Variants in ARIH2 observed in about 807,000 individuals in gnomAD.
ARIH2 encodes ariadne RBR E3 ubiquitin protein ligase 2.
ARIH2 carries 12 observed loss-of-function variants against 79.8 expected under a neutral mutation model. That is an observed-to-expected ratio of 0.15 (90% CI 0.10 to 0.24). The LOEUF (loss-of-function observed/expected upper bound fraction) is 0.24. Among genes scored for constraint, ARIH2 ranks in the 10% least tolerant of loss-of-function variants. The pLI is 1.00. For synonymous variants in ARIH2, 224 were observed against 213.9 expected (o/e 1.05, Z -0.41); for missense variants, 301 against 618.3 (o/e 0.49, Z 5.44).
At chr3:48,970,825 A>G in intron 8 of ARIH2, 121 bp downstream of exon 8, 3 of 685,136 alleles carry the variant, frequency 4.4e-6, no homozygotes. Flanking sequence ...CCAACAGAAC[A>G]GCTGTGCTCC....
At position 48,959,649 on chromosome 3, in the gene ARIH2, CAA is replaced by C. The variant is rs71077758; in HGVS notation, c.256-1938_256-1937del. Among the ~76,000 whole-genome samples, 10 of 50,104 alleles carry C rather than the reference CAA, an allele frequency of 2.0e-4. No homozygotes were observed. The East Asian group carries it at 2.2e-3, about 11-fold the overall frequency. The allele number at this position is 50,104 out of a possible 152,430, so 32.9% of individuals were successfully genotyped here. A position where few individuals can be genotyped will look rare whatever the true frequency, so the allele number is the denominator to read the frequency against. ...AAACCCCGTCTCTACTAAAAAATAC[CAA>C]AAAAAAAAAAAAAAAAAAAAAAAAG... On this transcript the variant is annotated intron_variant, in intron 3 of 15. Coordinates refer to ENST00000356401, the MANE Select transcript of ARIH2 (RefSeq NM_006321.4).
At chr3:48,934,241 A>T in intron 3 of ARIH2, 1 of 497,360 alleles carries the variant, frequency 2.0e-6, no homozygotes. Context: ...ATAACAACAA[A>T]ATACATTATT....
intron 5 of ARIH2, among the ~76,000 whole-genome samples, chr3:48,966,542 T>A (rs1394116532): frequency 2.0e-5 from 3 of 152,172 alleles, no homozygotes. Flanking sequence ...TAATTACATG[T>A]GACATCTGGT....
intron 11 of ARIH2, among the ~76,000 whole-genome samples, chr3:48,978,483 A>ATAT (rs1288556209): frequency 0.029 from 1,148 of 40,262 alleles, 49 homozygotes; most frequent in African/African-American, 0.064. Context: ...ATATATATAT[A>ATAT]TTTTTTTTTT....
At chr3:48,935,744 G>A (rs1417320588) in intron 3 of ARIH2, among the ~76,000 whole-genome samples, 1 of 152,160 alleles carries the variant, frequency 6.6e-6, no homozygotes, top group Non-Finnish European at 1.5e-5. Flanking sequence ...GATTTTGCTT[G>A]GTCATGGTAG....
chr3:48,947,744 CT>C (rs2089388928), intron 3 of ARIH2, among the ~76,000 whole-genome samples: 2 of 152,100 alleles, frequency 1.3e-5, no homozygotes, highest in African/African-American at 4.8e-5. Flanking sequence ...ACTTTCCGCC[CT>C]TTTATTATGA....
intron 14 of ARIH2, among the ~76,000 whole-genome samples, chr3:48,982,195 T>C (rs2092774494): frequency 6.6e-6 from 1 of 152,240 alleles, no homozygotes; most frequent in African/African-American, 2.4e-5. Context: ...GCATTTACAT[T>C]GTCCAGAGAG....
At chr3:48,976,486 C>CA (rs2107659794) in intron 11 of ARIH2, among the ~76,000 whole-genome samples, 1 of 152,210 alleles carries the variant, frequency 6.6e-6, no homozygotes, top group East Asian at 1.9e-4. Context: ...GCTGGGATTA[C>CA]AGGTGTGAGC....
At chr3:48,979,296 G>T (rs959999948) in intron 11 of ARIH2, among the ~76,000 whole-genome samples, 186 bp from the exon 12 acceptor site, 2 of 152,214 alleles carry the variant, frequency 1.3e-5, no homozygotes, top group Non-Finnish European at 2.9e-5. Flanking sequence ...AGCAAGTACA[G>T]GCTACAAGGA....
intron 3 of ARIH2, among the ~76,000 whole-genome samples, chr3:48,929,355 T>G (rs886534466): frequency 5.9e-5 from 9 of 152,054 alleles, no homozygotes; most frequent in Non-Finnish European, 1.2e-4. Context: ...TTTTTTTTTT[T>G]GTTTTTTAAT....
intron 1 of ARIH2, among the ~76,000 whole-genome samples, chr3:48,920,173 A>G (rs981237203): frequency 6.6e-6 from 1 of 151,554 alleles, no homozygotes; most frequent in Non-Finnish European, 1.5e-5. Flanking sequence ...TGGATACGTG[A>G]TCTTAATAGG....
intron 4 of ARIH2, 89 bp downstream of exon 4, chr3:48,961,768 A>G (rs1428884594): frequency 1.2e-6 from 1 of 845,454 alleles, no homozygotes; most frequent in South Asian, 1.4e-5. Context: ...ATATTCGACT[A>G]TATTCCAATG....
intron 1 of ARIH2, chr3:48,919,396 G>C (rs545606954): frequency 2.6e-4 from 105 of 398,012 alleles, no homozygotes; most frequent in African/African-American, 1.9e-3. Context: ...GGTATCCCCA[G>C]CTCGCGGGCT....
intron 14 of ARIH2, chr3:48,982,628 T>C (rs1291515137): frequency 9.7e-6 from 4 of 412,018 alleles, no homozygotes; most frequent in Non-Finnish European, 1.7e-5. Flanking sequence ...TTCTCTTTAG[T>C]GGCTTAAATT....
chr3:48,958,045 G>T (rs1021263287), intron 3 of ARIH2, among the ~76,000 whole-genome samples: 3 of 152,246 alleles, frequency 2.0e-5, no homozygotes, highest in Admixed American at 6.5e-5. Flanking sequence ...TATTCGAGGG[G>T]TAAACTGACG....
intron 3 of ARIH2, among the ~76,000 whole-genome samples, chr3:48,938,913 C>CAAAAA (rs1158929356): frequency 1.5e-4 from 8 of 54,406 alleles, no homozygotes; most frequent in African/African-American, 5.1e-4. Context: ...GTCTTTAGAC[C>CAAAAA]AAAAAAAAAA....
chr3:48,941,879 TTTTTC>T (rs1363917090), intron 3 of ARIH2, among the ~76,000 whole-genome samples: 2 of 150,904 alleles, frequency 1.3e-5, no homozygotes, highest in African/African-American at 2.4e-5. Flanking sequence ...CACCGCCCGA[TTTTTC>T]TTTTCTTTTT....
intron 3 of ARIH2, among the ~76,000 whole-genome samples, chr3:48,956,661 A>T (rs562733877): frequency 1.7e-5 from 2 of 116,140 alleles, no homozygotes; most frequent in Admixed American, 1.9e-4. Context: ...GGAGATGCAT[A>T]CAGCTGACGT....
At chr3:48,945,091 A>G in intron 3 of ARIH2, 1 of 1,284,262 alleles carries the variant, frequency 7.8e-7, no homozygotes, top group Non-Finnish European at 1.0e-6. Flanking sequence ...GTTGGCAAGT[A>G]AGAATTCTAA....
Sources: gnomAD v4.1 joint callset for allele counts (sites outside exome capture counted in the v4.1 genomes callset) on GRCh38, gnomAD v4.1.1 for gene constraint, MANE v1.5 for transcripts, NCBI Gene and HGNC (gene_info 2026-07-23, HGNC 2026-07-21) for gene names.